Variants in PAM observed in about 807,000 individuals in gnomAD.
The protein encoded by PAM is peptidyl-glycine alpha-amidating monooxygenase.
A neutral mutation model predicts 122.1 loss-of-function variants in PAM; 72 were observed. The ratio of observed to expected loss-of-function variants is 0.59; its 90% CI spans 0.49 to 0.72. The LOEUF is 0.72. Ranked by LOEUF, PAM falls within the 30% of genes least tolerant of loss-of-function variation. The probability of loss-of-function intolerance (pLI) is 0.00; values close to 1 mark genes in which losing one functional copy is unlikely to be tolerated. For synonymous variants in PAM, 389 were observed against 404.4 expected, an observed-to-expected ratio of 0.96 and a Z score of 0.46; for missense variants, 1,106 against 1,183.7, an observed-to-expected ratio of 0.93 and a Z score of 0.96.
At chr5:102,955,442 C>A (rs1350336147) in intron 12 of PAM, among the ~76,000 whole-genome samples, 2 of 151,954 alleles carry the variant, frequency 1.3e-5, no homozygotes, top group East Asian at 1.9e-4. Context: ...GGCAAACATG[C>A]TATGTCATAT....
intron 3 of PAM, among the ~76,000 whole-genome samples, chr5:102,900,251 G>A (rs934131986): frequency 1.1e-4 from 14 of 125,220 alleles, no homozygotes; most frequent in Non-Finnish European, 2.3e-4. Context: ...TAATGTGTGT[G>A]TGTGGGGGGG....
At chr5:102,976,799 A>G (rs1767823613) in intron 15 of PAM, among the ~76,000 whole-genome samples, 1 of 152,200 alleles carries the variant, frequency 6.6e-6, no homozygotes, top group South Asian at 2.1e-4. Flanking sequence ...ACCTGTTTGA[A>G]TGAGGTCACA....
intron 1 of PAM, among the ~76,000 whole-genome samples, chr5:102,862,360 C>T (rs903669683): frequency 2.6e-5 from 4 of 151,772 alleles, no homozygotes; most frequent in East Asian, 1.9e-4. Flanking sequence ...TTTGTTATTA[C>T]GAACAATACT....
intron 7 of PAM, among the ~76,000 whole-genome samples, chr5:102,931,895 C>T (rs1208629377): frequency 6.6e-6 from 1 of 151,834 alleles, no homozygotes; most frequent in Non-Finnish European, 1.5e-5. Context: ...GCATTTTGTA[C>T]ATTTAGTATG....
At chr5:102,947,248 G>A (rs926489581) in intron 8 of PAM, among the ~76,000 whole-genome samples, 8 of 152,122 alleles carry the variant, frequency 5.3e-5, no homozygotes, top group Non-Finnish European at 1.0e-4. Context: ...GCTATAAACA[G>A]GGCAGCTCAT....
chr5:102,775,584 A>G (rs1250217575), intron 1 of PAM, among the ~76,000 whole-genome samples: 1 of 152,040 alleles, frequency 6.6e-6, no homozygotes, highest in Non-Finnish European at 1.5e-5. Flanking sequence ...GAGTGAGAAC[A>G]TGTGGTGTTT....
intron 1 of PAM, among the ~76,000 whole-genome samples, chr5:102,769,180 A>AT (rs1338266866): frequency 6.6e-6 from 1 of 151,926 alleles, no homozygotes; most frequent in Non-Finnish European, 1.5e-5. Flanking sequence ...TCTTTTGCCC[A>AT]TTTTTTAACT....
intron 12 of PAM, among the ~76,000 whole-genome samples, chr5:102,952,897 C>G (rs1046097913): frequency 6.6e-6 from 1 of 152,120 alleles, no homozygotes; most frequent in Non-Finnish European, 1.5e-5. Context: ...TACAAACACA[C>G]ATTCCCACAG....
chr5:102,854,339 A>G (rs1362927013), intron 1 of PAM, among the ~76,000 whole-genome samples: 1 of 152,178 alleles, frequency 6.6e-6, no homozygotes, highest in African/African-American at 2.4e-5. Flanking sequence ...AAAAATGGGA[A>G]TGACTTCTCT....
At chr5:102,756,491 G>A (rs1750371344) in intron 1 of PAM, among the ~76,000 whole-genome samples, 1 of 152,244 alleles carries the variant, frequency 6.6e-6, no homozygotes. Flanking sequence ...TCTTCTAGGT[G>A]CAAACTTAAA....
intron 5 of PAM, among the ~76,000 whole-genome samples, chr5:102,924,300 G>A (rs1561902258): frequency 6.6e-6 from 1 of 151,930 alleles, no homozygotes; most frequent in African/African-American, 2.4e-5. Context: ...GGGCATGGTG[G>A]TGGGCACCTG....
At chr5:102,860,020 G>C (rs985560846) in intron 1 of PAM, among the ~76,000 whole-genome samples, 2 of 152,108 alleles carry the variant, frequency 1.3e-5, no homozygotes, top group Non-Finnish European at 2.9e-5. Flanking sequence ...GCATTTTTCA[G>C]GACATAACCC....
At chr5:102,950,675 AT>A in intron 11 of PAM, 41 bp from the exon 12 acceptor site, 1 of 1,163,962 alleles carries the variant, frequency 8.6e-7, no homozygotes, top group South Asian at 1.2e-5. Context: ...TCTGGATTTT[AT>A]TGGTAATATT....
At position 102,946,491 on chromosome 5, in the gene PAM, CAGCAACTTT is replaced by C. The variant is rs552244479; in HGVS notation, c.527-345_527-337del. 6.7e-4 allele frequency among the ~76,000 whole-genome samples: 101 copies of C among 150,614 alleles called. 1 individual carries two copies. The highest frequency in any genetic ancestry group is 2.4e-3 in the African/African-American group (97 of 40,878). On this transcript the variant is annotated intron_variant, in intron 7 of 25. Coordinates refer to ENST00000438793, the MANE Select transcript of PAM (RefSeq NM_001177306.2). ...CAGCATGGAGCAAACTATTTTAGTT[CAGCAACTTT>C]TCTGGGTTTTTCAACAATACAGATA...
chr5:103,014,682 A>G (rs932867342), intron 21 of PAM, among the ~76,000 whole-genome samples: 2 of 152,088 alleles, frequency 1.3e-5, no homozygotes, highest in East Asian at 1.9e-4. Flanking sequence ...TCAGTTCTCC[A>G]TCTTCTACTA....
At chr5:102,779,918 T>TACATATACACACAC (rs1758248169) in intron 1 of PAM, among the ~76,000 whole-genome samples, 1 of 95,704 alleles carries the variant, frequency 1.0e-5, no homozygotes, top group Non-Finnish European at 2.0e-5. Context: ...TATATATATA[T>TACATATACACACAC]ACACACATAT....
chr5:102,773,528 C>T (rs936154734), intron 1 of PAM, among the ~76,000 whole-genome samples: 13 of 151,960 alleles, frequency 8.6e-5, no homozygotes, highest in Non-Finnish European at 4.4e-5. Flanking sequence ...CAAAGTATTG[C>T]TCTGTTTAAA....
chr5:102,796,322 T>C (rs1211264655), intron 1 of PAM, among the ~76,000 whole-genome samples: 1 of 152,184 alleles, frequency 6.6e-6, no homozygotes, highest in Non-Finnish European at 1.5e-5. Context: ...TAGATCGATC[T>C]GTGCCTCTGC....
At chr5:102,762,860 C>A (rs184707486) in intron 1 of PAM, among the ~76,000 whole-genome samples, 146 of 152,256 alleles carry the variant, frequency 9.6e-4, no homozygotes, top group Non-Finnish European at 1.6e-3. Flanking sequence ...TATGCCTAAT[C>A]GACCAGAGTG....
Sources: allele counts gnomAD v4.1 joint callset (sites outside exome capture counted in the v4.1 genomes callset), GRCh38; gene constraint gnomAD v4.1.1; transcripts MANE v1.5; gene names NCBI Gene and HGNC (gene_info 2026-07-23, HGNC 2026-07-21).